ADK: variants seen among roughly 807,000 people sequenced by gnomAD.
ADK encodes the protein N6,N6-dimethyladenosine kinase.
Under a neutral mutation model 44.7 loss-of-function variants are expected in ADK, and 24 were observed. The ratio of observed to expected loss-of-function variants is 0.54; its 90% CI spans 0.39 to 0.76. ADK has a LOEUF of 0.76. ADK is among the 30% of genes least tolerant of loss of function. ADK has a pLI of 0.00. For synonymous variants in ADK, 128 were observed against 142.6 expected (o/e 0.90, Z 0.73); for missense variants, 321 against 425.1 (o/e 0.76, Z 2.15).
At chr10:74,171,047 G>T (rs1158156752) in intron 1 of ADK, among the ~76,000 whole-genome samples, 2 of 151,104 alleles carry the variant, frequency 1.3e-5, no homozygotes, top group African/African-American at 4.9e-5. Flanking sequence ...CTTTTGTTTT[G>T]CTTTTTTCAT....
intron 9 of ADK, among the ~76,000 whole-genome samples, chr10:74,647,725 GT>G (rs1472258844): frequency 2.6e-5 from 4 of 152,088 alleles, no homozygotes; most frequent in Non-Finnish European, 4.4e-5. Flanking sequence ...GTCCTAATGA[GT>G]TTCAGTCTCT....
At chr10:74,199,762 C>T (rs1843307736) in intron 1 of ADK, among the ~76,000 whole-genome samples, 1 of 152,130 alleles carries the variant, frequency 6.6e-6, no homozygotes, top group South Asian at 2.1e-4. Context: ...TCACTGCAAC[C>T]TCCACCTCCT....
At chr10:74,427,214 T>A (rs1023924874) in intron 6 of ADK, among the ~76,000 whole-genome samples, 2 of 152,142 alleles carry the variant, frequency 1.3e-5, no homozygotes, top group African/African-American at 2.4e-5. Context: ...ATTTTATTTT[T>A]TTGAGGTGGA....
intron 2 of ADK, among the ~76,000 whole-genome samples, chr10:74,217,532 C>G (rs10762584): frequency 0.18 from 26,646 of 152,096 alleles, 2,772 homozygotes; most frequent in African/African-American, 0.29. Context: ...TCTCCCAGCA[C>G]GCAGCTGGAG....
chr10:74,614,594 C>T lies in ADK; in HGVS notation c.877+14101C>T, dbSNP rs145636951. Among the ~76,000 whole-genome samples the T allele has an allele frequency of 7.3e-4, 111 of 152,238 alleles. 1 individual carries two copies. The East Asian group carries it at 0.021, about 29-fold the overall frequency. Reference sequence around the variant, plus strand: ...AAGGTAACCATTGTCTTAGCTTCTACTACTGACAGTTAGCTTTGCCTGTTT... The same window carrying T: ...AAGGTAACCATTGTCTTAGCTTCTATTACTGACAGTTAGCTTTGCCTGTTT... On this transcript the variant is annotated intron_variant, in intron 9 of 10. Coordinates refer to ENST00000539909, the MANE Select transcript of ADK (RefSeq NM_006721.4).
At chr10:74,251,169 C>T (rs1009583334) in intron 3 of ADK, among the ~76,000 whole-genome samples, 1 of 152,098 alleles carries the variant, frequency 6.6e-6, no homozygotes, top group Non-Finnish European at 1.5e-5. Context: ...AAAGGAAAAG[C>T]AATATGGTTG....
chr10:74,234,081 T>G (rs1300824317), intron 3 of ADK, among the ~76,000 whole-genome samples: 1 of 152,190 alleles, frequency 6.6e-6, no homozygotes, highest in Non-Finnish European at 1.5e-5. Context: ...TATGGCAGAT[T>G]TTAATGTAAG....
intron 4 of ADK, among the ~76,000 whole-genome samples, chr10:74,362,757 T>C (rs1185056499): frequency 6.6e-6 from 1 of 152,216 alleles, no homozygotes; most frequent in Non-Finnish European, 1.5e-5. Context: ...CTCTGACCAA[T>C]TACAGCCATC....
At chr10:74,490,467 A>G (rs767721936) in intron 6 of ADK, among the ~76,000 whole-genome samples, 9 of 152,120 alleles carry the variant, frequency 5.9e-5, no homozygotes, top group Non-Finnish European at 8.8e-5. Flanking sequence ...TACATTCTCT[A>G]TATGTAGAGG....
At chr10:74,242,821 T>C (rs1375211084) in intron 3 of ADK, among the ~76,000 whole-genome samples, 1 of 152,196 alleles carries the variant, frequency 6.6e-6, no homozygotes, top group Non-Finnish European at 1.5e-5. Flanking sequence ...TGCCAGACTT[T>C]CGGGAAAAGA....
At chr10:74,406,443 T>C (rs1309389636) in intron 6 of ADK, among the ~76,000 whole-genome samples, 3 of 151,608 alleles carry the variant, frequency 2.0e-5, no homozygotes, top group Non-Finnish European at 4.4e-5. Flanking sequence ...TCATTCACTT[T>C]GGAAATTATT....
At chr10:74,443,518 A>G (rs1006004979) in intron 6 of ADK, among the ~76,000 whole-genome samples, 1 of 152,270 alleles carries the variant, frequency 6.6e-6, no homozygotes, top group South Asian at 2.1e-4. Context: ...CAGAAGGTAT[A>G]TTGGTGGTTG....
chr10:74,176,741 G>A, intron 1 of ADK: 1 of 1,526,894 alleles, frequency 6.5e-7, no homozygotes, highest in Non-Finnish European at 8.8e-7. Flanking sequence ...CCCGCGCGCG[G>A]GGTGTGTGAG....
chr10:74,279,799 G>A (rs1236704343), intron 3 of ADK, among the ~76,000 whole-genome samples: 1 of 151,996 alleles, frequency 6.6e-6, no homozygotes, highest in African/African-American at 2.4e-5. Context: ...TTGGGAGGCT[G>A]AGGCAGAGGA....
intron 3 of ADK, among the ~76,000 whole-genome samples, chr10:74,286,148 G>A (rs557725524): frequency 1.3e-5 from 2 of 152,194 alleles, no homozygotes; most frequent in African/African-American, 4.8e-5. Context: ...ACACTCTTGG[G>A]TTCAAGTGAT....
At chr10:74,553,973 T>C (rs914666567) in intron 7 of ADK, among the ~76,000 whole-genome samples, 33 of 152,244 alleles carry the variant, frequency 2.2e-4, no homozygotes, top group African/African-American at 9.6e-5. Context: ...CATATGCTTA[T>C]ATATGACATA....
rs1848488750 is a variant in ADK at position 74,514,654 on chromosome 10, C to A, written c.556-10602C>A. ...GAATTTCTCTTTCAAATCATAAACT[C>A]TTCTCCTGACTTTGTTGAGTTATCT... On this transcript the variant is annotated intron_variant, in intron 6 of 10. Coordinates refer to ENST00000539909, the MANE Select transcript of ADK (RefSeq NM_006721.4). Among the ~76,000 whole-genome samples, 3 of 152,066 alleles carry A rather than the reference C, an allele frequency of 2.0e-5. No individual in the cohort carries two copies. In the South Asian group the frequency reaches 6.2e-4, roughly 31 times the overall value.
chr10:74,317,210 A>G (rs767184889), intron 4 of ADK, among the ~76,000 whole-genome samples: 1 of 152,210 alleles, frequency 6.6e-6, no homozygotes, highest in Non-Finnish European at 1.5e-5. Flanking sequence ...TACACAGCAC[A>G]AATGTAAATT....
At chr10:74,678,940 G>T (rs1855501792) in intron 10 of ADK, among the ~76,000 whole-genome samples, 1 of 152,130 alleles carries the variant, frequency 6.6e-6, no homozygotes, top group South Asian at 2.1e-4. Context: ...AGCTTTTACT[G>T]CATAACTAAC....
Sources: allele counts gnomAD v4.1 joint callset (sites outside exome capture counted in the v4.1 genomes callset), GRCh38; gene constraint gnomAD v4.1.1; transcripts MANE v1.5; gene names NCBI Gene and HGNC (gene_info 2026-07-23, HGNC 2026-07-21).